PODXL2: variants seen among roughly 807,000 people sequenced by gnomAD.
PODXL2 encodes the protein podocalyxin-like protein 2.
In PODXL2, 17 loss-of-function variants were observed where a neutral mutation model predicts 53.4. The ratio of observed to expected loss-of-function variants is 0.32; its 90% CI spans 0.22 to 0.48. The LOEUF is 0.48. Ranked by LOEUF, PODXL2 falls within the 20% of genes least tolerant of loss-of-function variation. The pLI is 0.99. For synonymous variants in PODXL2, 311 were observed against 306.7 expected (o/e 1.01, Z -0.15); for missense variants, 673 against 760.0 (o/e 0.89, Z 1.35).
intron 4 of PODXL2, among the ~76,000 whole-genome samples, chr3:127,667,892 C>A (rs2074803822): frequency 6.6e-6 from 1 of 152,170 alleles, no homozygotes; most frequent in Non-Finnish European, 1.5e-5. Flanking sequence ...CGATGACAGG[C>A]GAGAGGAGAG....
intron 4 of PODXL2, among the ~76,000 whole-genome samples, chr3:127,662,688 G>A (rs1211766319): frequency 6.6e-6 from 1 of 150,578 alleles, no homozygotes; most frequent in Non-Finnish European, 1.5e-5. Context: ...CTCCACACAT[G>A]TCTGGTGGAG....
At chr3:127,646,818 C>T (rs1309737655) in intron 2 of PODXL2, among the ~76,000 whole-genome samples, 1 of 152,188 alleles carries the variant, frequency 6.6e-6, no homozygotes, top group African/African-American at 2.4e-5. Context: ...CAAGGCCACA[C>T]AGCTTGTGTG....
At chr3:127,662,380 C>T in intron 4 of PODXL2, 69 bp downstream of exon 4, 1 of 1,282,040 alleles carries the variant, frequency 7.8e-7, no homozygotes, top group Non-Finnish European at 1.1e-6. Context: ...GGGCAGAGGG[C>T]AGGCTGGGGG....
intron 2 of PODXL2, among the ~76,000 whole-genome samples, chr3:127,659,705 C>T (rs1197261760): frequency 1.3e-5 from 2 of 152,200 alleles, no homozygotes; most frequent in Non-Finnish European, 2.9e-5. Context: ...AATGTAATTC[C>T]CAAGAATGGC....
intron 2 of PODXL2, 48 bp from the exon 3 acceptor site, chr3:127,660,330 G>C (rs1044972398): frequency 6.3e-7 from 1 of 1,586,904 alleles, no homozygotes; most frequent in Non-Finnish European, 8.6e-7. Flanking sequence ...ACTGAGTAAA[G>C]CAATGAATGA....
At position 127,629,880 on chromosome 3, in the gene PODXL2, G is replaced by A. The variant is rs2074531736; in HGVS notation, c.70+591G>A. 6.6e-6 allele frequency among the ~76,000 whole-genome samples: 1 copy of A among 152,154 alleles called. No individual in the cohort carries two copies. The highest frequency in any genetic ancestry group is 2.1e-4 in the South Asian group (1 of 4,830). On this transcript the variant is annotated intron_variant, in intron 1 of 7. Transcript: ENST00000342480. This position sits in a 1 kb window ranked among gnomAD's most constrained non-coding sequence, Gnocchi z 6.4. Reference sequence around the variant, plus strand: ...CTATTAGGAGCTGACAAAAACGGGCGTACAGCCACGGAAGGCCCGTGACAG... The same window carrying A: ...CTATTAGGAGCTGACAAAAACGGGCATACAGCCACGGAAGGCCCGTGACAG...
At chr3:127,644,545 T>TG (rs1191174655) in intron 2 of PODXL2, among the ~76,000 whole-genome samples, 1 of 150,974 alleles carries the variant, frequency 6.6e-6, no homozygotes, top group African/African-American at 2.5e-5. Flanking sequence ...AGGACCACAG[T>TG]GGAGGGCCCT....
intron 2 of PODXL2, among the ~76,000 whole-genome samples, chr3:127,640,684 A>C (rs1354752377): frequency 6.7e-6 from 1 of 149,088 alleles, no homozygotes; most frequent in Non-Finnish European, 1.5e-5. Flanking sequence ...CTGGGCGACA[A>C]GAACAAAACT....
chr3:127,637,680 TCAGGGC>T (rs2074585565), intron 1 of PODXL2, among the ~76,000 whole-genome samples: 1 of 152,218 alleles, frequency 6.6e-6, no homozygotes, highest in Admixed American at 6.5e-5. Flanking sequence ...GTCTCTGACC[TCAGGGC>T]GTCTCTCTTA....
chr3:127,672,741 G>A lies in PODXL2; in HGVS notation c.*261G>A. The A allele has an allele frequency of 2.4e-6, 1 of 411,178 alleles. No homozygotes were observed. 25.5% of individuals were successfully genotyped at this position (411,178 alleles called of 1,614,324 possible). A position where few individuals can be genotyped will look rare whatever the true frequency, so the allele number is the denominator to read the frequency against. The stretch of plus-strand genomic sequence containing the variant: ...TGAACCCCGGCCCCGCGGGCGGCGG[G>A]CGGCGCTTCCTGCGCCCCGGGACTC... On this transcript the variant is annotated 3_prime_UTR_variant, in exon 8 of 8. Coordinates refer to ENST00000342480, the MANE Select transcript of PODXL2 (RefSeq NM_015720.4).
chr3:127,672,548 C>A lies in PODXL2; in HGVS notation c.*68C>A. ...GAGGTGGACCCCGAAACGGACGGCC[C>A]GGAGCCCGCACCAGCCCCGCGCCTA... On this transcript the variant is annotated 3_prime_UTR_variant, in exon 8 of 8. Coordinates refer to ENST00000342480, the MANE Select transcript of PODXL2 (RefSeq NM_015720.4). The A allele has an allele frequency of 1.9e-6, 2 of 1,076,356 alleles. No homozygotes were observed. Among genetic ancestry groups the A allele is most frequent in the Non-Finnish European group, 2.5e-6 (2 of 790,792 alleles). The allele number at this position is 1,076,356 out of a possible 1,614,324, so 66.7% of individuals were successfully genotyped here. A position where few individuals can be genotyped will look rare whatever the true frequency, so the allele number is the denominator to read the frequency against.
chr3:127,650,698 C>T (rs756334217), intron 2 of PODXL2, among the ~76,000 whole-genome samples: 1 of 152,030 alleles, frequency 6.6e-6, no homozygotes, highest in Non-Finnish European at 1.5e-5. Context: ...GCTCTGTCGC[C>T]CAGGCTGGAG....
intron 2 of PODXL2, among the ~76,000 whole-genome samples, chr3:127,658,007 G>A (rs774763740): frequency 1.3e-5 from 2 of 152,162 alleles, no homozygotes; most frequent in Non-Finnish European, 2.9e-5. Context: ...CCACCCTTAT[G>A]CTTCTTCATC....
At position 127,654,781 on chromosome 3, in the gene PODXL2, T is replaced by A. The variant is rs547860875; in HGVS notation, c.350-5597T>A. Among the ~76,000 whole-genome samples the A allele has an allele frequency of 1.6e-4, 24 of 152,268 alleles. 1 individual carries two copies. The South Asian group carries it at 4.8e-3, about 30-fold the overall frequency. ...TTATTTTACCAGGTAATAACTCCTT[T>A]AATAATAATAATGGCAGGCGGATGG... On this transcript the variant is annotated intron_variant, in intron 2 of 7. Coordinates refer to ENST00000342480, the MANE Select transcript of PODXL2 (RefSeq NM_015720.4).
In PODXL2 at chr3:127,639,445, A is replaced by G; in HGVS notation, c.271A>G (p.Ile91Val). ...FPSEENEESRILQPPQYFWEE... is the reference protein window; with the variant it reads ...FPSEENEESRVLQPPQYFWEE... ...CAGCGAAGAGAATGAAGAGTCTCGG[A>G]TTCTGCAGCCACCACAGTACTTCTG... Residue 91 changes from isoleucine (I) to valine (V), a missense_variant, in exon 2 of 8, where the codon ATT (isoleucine) becomes GTT (valine). By Grantham distance (29) the Ile-to-Val change is conservative (BLOSUM62 3). Coordinates refer to ENST00000342480, the MANE Select transcript of PODXL2 (RefSeq NM_015720.4). 2 of 1,614,272 alleles carry G rather than the reference A, an allele frequency of 1.2e-6. No individual in the cohort carries two copies. The highest frequency in any genetic ancestry group is 1.7e-5 in the Admixed American group (1 of 60,036).
At position 127,668,492 on chromosome 3, in the gene PODXL2, G is replaced by A. The variant is rs1365195670; in HGVS notation, c.1258G>A (p.Val420Met). 6.5e-7 allele frequency: 1 copy of A among 1,529,834 alleles called. No homozygotes were observed. Among genetic ancestry groups the A allele is most frequent in the African/African-American group, 1.4e-5 (1 of 72,590 alleles). The allele number at this position is 1,529,834 out of a possible 1,614,324, so 94.8% of individuals were successfully genotyped here. Reference protein sequence around the residue: ...GPQLLALVEEVLPRHGSGHHG... With the variant: ...GPQLLALVEEMLPRHGSGHHG... ...ACAGCTCCTGGCCCTGGTGGAAGAG[G>A]TGCTGCCCCGCCATGGCAGTGGCCA... The change falls in exon 5 of 8, where the codon GTG becomes ATG. Residue 420 changes from valine to methionine, a missense_variant. Physicochemically the swap from Val to Met is conservative, Grantham distance 21 (BLOSUM62 1). Coordinates refer to ENST00000342480, the MANE Select transcript of PODXL2 (RefSeq NM_015720.4).
chr3:127,633,158 G>A (rs1040410276), intron 1 of PODXL2, among the ~76,000 whole-genome samples: 1 of 152,176 alleles, frequency 6.6e-6, no homozygotes, highest in African/African-American at 2.4e-5. Flanking sequence ...GATTGGTTGT[G>A]GGGACCCTGG....
At chr3:127,631,062 G>C (rs79524290) in intron 1 of PODXL2, among the ~76,000 whole-genome samples, 1 of 152,188 alleles carries the variant, frequency 6.6e-6, no homozygotes, top group Non-Finnish European at 1.5e-5. Flanking sequence ...GGGCATGTGC[G>C]TGTGTCTAGC....
At chr3:127,645,339 G>A (rs1230260561) in intron 2 of PODXL2, among the ~76,000 whole-genome samples, 5 of 152,212 alleles carry the variant, frequency 3.3e-5, no homozygotes, top group Admixed American at 6.5e-5. Context: ...AGCCTGTGAT[G>A]CACTTGTTCC....
Sources: gnomAD v4.1 joint callset for allele counts (sites outside exome capture counted in the v4.1 genomes callset) on GRCh38, gnomAD v4.1.1 for gene constraint, Gnocchi (gnomAD v3.1) non-coding constraint, MANE v1.5 for transcripts, NCBI Gene and HGNC (gene_info 2026-07-23, HGNC 2026-07-21) for gene names.